Variants in TSR1 observed in about 807,000 individuals in gnomAD.
TSR1 encodes pre-rRNA-processing protein TSR1 homolog.
TSR1 carries 81 observed loss-of-function variants against 90.9 expected under a neutral mutation model. The ratio of observed to expected loss-of-function variants is 0.89; its 90% confidence interval spans 0.74 to 1.07. TSR1 has a LOEUF of 1.07. Among genes scored for constraint, TSR1 ranks in the 50% least tolerant of loss-of-function variants. The pLI is 0.00. For missense variants in TSR1, 989 were observed against 987.3 expected (o/e 1.00, Z -0.02); for synonymous variants, 362 against 348.8 (o/e 1.04, Z -0.42).
chr17:2,328,919 C>CAAAAAAAA (rs56003468), intron 11 of TSR1: 2 of 92,438 alleles, frequency 2.2e-5, no homozygotes, highest in East Asian at 2.9e-4. Flanking sequence ...GACTCCGTCT[C>CAAAAAAAA]AAAAAAAAAA....
rs926836214 is a variant in TSR1 at position 2,323,552 on chromosome 17, G to A, written c.*644C>T. ...AAGCTTTGGGAAGCGTGTGTACACA[G>A]TGATAAGAAAATTCAAACTGGACAC... On this transcript the variant is annotated 3_prime_UTR_variant, in exon 15 of 15. Transcript: ENST00000301364. 3.8e-6 allele frequency: 5 copies of A among 1,310,292 alleles called. No individual in the cohort carries two copies. Among genetic ancestry groups the A allele is most frequent in the Non-Finnish European group, 5.4e-6 (5 of 924,376 alleles). The allele number at this position is 1,310,292 out of a possible 1,614,324, so 81.2% of individuals were successfully genotyped here. A position where few individuals can be genotyped will look rare whatever the true frequency, so the allele number is the denominator to read the frequency against.
Position 2,333,125 on chromosome 17 carries a change from C to T in TSR1, c.1142-1G>A. 1 of 1,612,878 alleles carries T rather than the reference C, an allele frequency of 6.2e-7. No homozygotes were observed. Among genetic ancestry groups the T allele is most frequent in the South Asian group, 1.1e-5 (1 of 90,920 alleles). The stretch of plus-strand genomic sequence containing the variant: ...ACCTTAGAACTTTCCTTCAAGAAAT[C>T]TGTAAAAGCCCAAACAAATTAAGTA... On this transcript the variant is annotated splice_acceptor_variant, in intron 6 of 14. Transcript: ENST00000301364. LOFTEE classifies it high-confidence loss of function.
rs758843215 is a variant in TSR1, at chr17:2,336,290, A to G, written c.97+41T>C. On this transcript the variant is annotated intron_variant, in intron 1 of 14. Coordinates refer to ENST00000301364, the MANE Select transcript of TSR1 (RefSeq NM_018128.5). ...TGGGCATGAGGAAAAAGAGTTAATA[A>G]CGGCCAAATAGCCCTTATTCCTTCT... The G allele has an allele frequency of 9.6e-5, 155 of 1,612,850 alleles. 1 individual carries two copies. In the Middle Eastern group the frequency reaches 3.3e-3, roughly 34 times the overall value.
intron 11 of TSR1, among the ~76,000 whole-genome samples, chr17:2,325,708 G>A (rs573168670): frequency 6.6e-5 from 10 of 152,112 alleles, no homozygotes; most frequent in African/African-American, 2.2e-4. Context: ...TGCCTCCCGG[G>A]TTCAAGCAGT....
At position 2,333,595 on chromosome 17, in the gene TSR1, TG is replaced by T; in HGVS notation, c.1102del (p.Gln368LysfsTer9). 1 of 1,614,170 alleles carries T rather than the reference TG, an allele frequency of 6.2e-7. No homozygotes were observed. Among genetic ancestry groups the T allele is most frequent in the Non-Finnish European group, 8.5e-7 (1 of 1,180,036 alleles). Reference sequence around the variant, plus strand: ...CAGCTCCTCCTCAGTGGGCCAGGTTTGCTCTCCCTCCATTGGATCTGGGATA... The same window carrying T: ...CAGCTCCTCCTCAGTGGGCCAGGTTTCTCTCCCTCCATTGGATCTGGGATA... ...EVIPDPMEGE[Q>X]TWPTEEELSE... On this transcript the variant is annotated frameshift_variant, in exon 6 of 15. Coordinates refer to ENST00000301364, the MANE Select transcript of TSR1 (RefSeq NM_018128.5). LOFTEE classifies it high-confidence loss of function.
In TSR1 at chr17:2,322,887, CTT is replaced by C. The variant is rs533718523; in HGVS notation, c.*1307_*1308del. The C allele has an allele frequency of 1.1e-4, 49 of 444,988 alleles. No homozygotes were observed. The highest frequency in any genetic ancestry group is 2.0e-4 in the Non-Finnish European group (47 of 240,132). 27.6% of individuals were successfully genotyped at this position (444,988 alleles called of 1,614,324 possible). A position where few individuals can be genotyped will look rare whatever the true frequency, so the allele number is the denominator to read the frequency against. On this transcript the variant is annotated 3_prime_UTR_variant, in exon 15 of 15. Coordinates refer to ENST00000301364, the MANE Select transcript of TSR1 (RefSeq NM_018128.5). ...TCAAGTGATTCTCCTACCTCAGCCT[CTT>C]GAGTAGCTGGGATTACAGGGGTCTG...
In TSR1 at chr17:2,336,106, C is replaced by T; in HGVS notation, c.132G>A (p.Val44=). The change falls in exon 2 of 15, where the codon GTG becomes GTA. Residue 44 remains valine (V), a synonymous_variant. Transcript: ENST00000301364. ...RLALKTLSKK[V]RKELSRVDQR... The stretch of plus-strand genomic sequence containing the variant: ...GGTCGACTCTGCTGAGTTCTTTTCT[C>T]ACCTTCTTGCTTAGGGTTTTCAGTG... 6.2e-7 allele frequency: 1 copy of T among 1,614,200 alleles called. No individual in the cohort carries two copies. The highest frequency in any genetic ancestry group is 1.1e-5 in the South Asian group (1 of 91,088).
At chr17:2,325,052 T>C in intron 12 of TSR1, 1 of 603,258 alleles carries the variant, frequency 1.7e-6, no homozygotes, top group South Asian at 2.3e-5. Flanking sequence ...ACCATACTTT[T>C]TCTCATCAGT....
intron 11 of TSR1, among the ~76,000 whole-genome samples, chr17:2,326,365 A>G (rs1018366000): frequency 9.2e-5 from 14 of 152,080 alleles, no homozygotes; most frequent in Admixed American, 2.6e-4. Flanking sequence ...AGTGGGCAAC[A>G]TATCTTCCTG....
At position 2,332,236 on chromosome 17, in the gene TSR1, G is replaced by T; in HGVS notation, c.1429C>A (p.Gln477Lys). ...AEAKMLEKYK[Q>K]ERLEEMFPDE... ...GGAAACATCTCTTCCAGTCTTTCTT[G>T]TTTATATTTCTCCAACATTTTTGCC... Residue 477 changes from glutamine to lysine, a missense_variant, in exon 8 of 15, where the codon CAA becomes AAA. Gln to Lys is a moderately conservative substitution (Grantham distance 53). Transcript: ENST00000301364. 6.2e-7 allele frequency: 1 copy of T among 1,613,920 alleles called. No homozygotes were observed. Among genetic ancestry groups the T allele is most frequent in the African/African-American group, 1.3e-5 (1 of 75,012 alleles).
intron 2 of TSR1, 108 bp downstream of exon 2, chr17:2,335,929 G>T: frequency 1.5e-6 from 2 of 1,313,438 alleles, no homozygotes; most frequent in Non-Finnish European, 1.1e-6. Context: ...GTGCTCTAGG[G>T]CTATGCTCTG....
intron 11 of TSR1, among the ~76,000 whole-genome samples, chr17:2,327,473 G>A (rs78041417): frequency 0.012 from 1,786 of 151,152 alleles, 16 homozygotes; most frequent in Non-Finnish European, 0.018. Flanking sequence ...GACCTCAAGC[G>A]ATCCTCCTGC....
chr17:2,333,633 C>T lies in TSR1; in HGVS notation c.1065G>A (p.Leu355=), dbSNP rs184560671. The T allele has an allele frequency of 6.2e-7, 1 of 1,614,124 alleles. No individual in the cohort carries two copies. Among genetic ancestry groups the T allele is most frequent in the Non-Finnish European group, 8.5e-7 (1 of 1,180,026 alleles). Residue 355 remains leucine (L), a synonymous_variant, in exon 6 of 15, where the codon TTG becomes TTA. Coordinates refer to ENST00000301364, the MANE Select transcript of TSR1 (RefSeq NM_018128.5). ...TTGGATCTGGGATAACCTCTGCTTGCAAGGATTCCTGTCTACCAGGGTCTG... is the reference window on the plus strand; with the variant it reads ...TTGGATCTGGGATAACCTCTGCTTGTAAGGATTCCTGTCTACCAGGGTCTG... ...MKADPGRQES[L]QAEVIPDPME... is the part of the protein sequence containing the mutation.
At position 2,329,384 on chromosome 17, in the gene TSR1, C is replaced by G; in HGVS notation, c.1862G>C (p.Arg621Thr). The change falls in exon 11 of 15, where the codon AGG becomes ACG. Residue 621 changes from arginine to threonine, a missense_variant. Coordinates refer to ENST00000301364, the MANE Select transcript of TSR1 (RefSeq NM_018128.5). ...GAATAAAGGTGAGGCTCGGAAGCGCCTGAATCCACAGTGAAATATGAGCTC... is the reference window on the plus strand; with the variant it reads ...GAATAAAGGTGAGGCTCGGAAGCGCGTGAATCCACAGTGAAATATGAGCTC... ...KEELIFHCGF[R>T]RFRASPLFSQ... 1 of 1,614,198 alleles carries G rather than the reference C, an allele frequency of 6.2e-7. No individual in the cohort carries two copies. The highest frequency in any genetic ancestry group is 8.5e-7 in the Non-Finnish European group (1 of 1,180,044).
At chr17:2,332,579 G>A (rs994238127) in intron 7 of TSR1, among the ~76,000 whole-genome samples, 1 of 152,216 alleles carries the variant, frequency 6.6e-6, no homozygotes, top group Non-Finnish European at 1.5e-5. Flanking sequence ...GCTCACGCCT[G>A]TAATCCCAGC....
At position 2,323,682 on chromosome 17, in the gene TSR1, A is replaced by G. The variant is rs778187514; in HGVS notation, c.*514T>C. The G allele has an allele frequency of 6.2e-7, 1 of 1,614,166 alleles. No individual in the cohort carries two copies. The highest frequency in any genetic ancestry group is 8.5e-7 in the Non-Finnish European group (1 of 1,179,998). Reference sequence around the variant, plus strand: ...TGCAACCCAGCTGGTGTGGGAGAGGATGAAACTACTCATTGAACCTACAGC... The same window carrying G: ...TGCAACCCAGCTGGTGTGGGAGAGGGTGAAACTACTCATTGAACCTACAGC... On this transcript the variant is annotated 3_prime_UTR_variant, in exon 15 of 15. Coordinates refer to ENST00000301364, the MANE Select transcript of TSR1 (RefSeq NM_018128.5).
intron 13 of TSR1, 50 bp downstream of exon 13, chr17:2,324,639 C>T: frequency 6.2e-7 from 1 of 1,614,012 alleles, no homozygotes; most frequent in Non-Finnish European, 8.5e-7. Flanking sequence ...GTAAACCCAA[C>T]CTTTATACCA....
intron 8 of TSR1, 42 bp from the exon 9 acceptor site, chr17:2,331,151 T>C (rs2064000879): frequency 6.8e-7 from 1 of 1,477,078 alleles, no homozygotes; most frequent in African/African-American, 1.4e-5. Context: ...GTCAGATTTA[T>C]ATGGTGCTAT....
Position 2,330,579 on chromosome 17 carries a change from ACT to A in TSR1, c.1704_1705del (p.Val569GlyfsTer19). The stretch of plus-strand genomic sequence containing the variant: ...TGTTCCTTGCCTGAAGCACTCGACC[ACT>A]GAGACGGGGACTTCAGAGACATGAA... On this transcript the variant is annotated frameshift_variant, in exon 10 of 15. Coordinates refer to ENST00000301364, the MANE Select transcript of TSR1 (RefSeq NM_018128.5). LOFTEE classifies it high-confidence loss of function. 1 of 1,614,112 alleles carries A rather than the reference ACT, an allele frequency of 6.2e-7. No individual in the cohort carries two copies. The highest frequency in any genetic ancestry group is 1.3e-5 in the African/African-American group (1 of 75,022).
Sources: allele counts gnomAD v4.1 joint callset (sites outside exome capture counted in the v4.1 genomes callset), GRCh38; gene constraint gnomAD v4.1.1; transcripts MANE v1.5; gene names NCBI Gene and HGNC (gene_info 2026-07-23, HGNC 2026-07-21).